The following HNRNPD variants were observed in gnomAD, a reference collection of about 807,000 sequenced individuals.
HNRNPD encodes heterogeneous nuclear ribonucleoprotein D0.
Under a neutral mutation model 47.9 loss-of-function variants are expected in HNRNPD, and 3 were observed. That is an observed-to-expected ratio of 0.06 (90% CI 0.03 to 0.16). The LOEUF (loss-of-function observed/expected upper bound fraction) is 0.16. HNRNPD is among the 10% of genes least tolerant of loss of function. HNRNPD has a pLI of 1.00. For synonymous variants in HNRNPD, 171 were observed against 165.1 expected (o/e 1.04, Z -0.28); for missense variants, 287 against 454.2 (o/e 0.63, Z 3.35).
intron 3 of HNRNPD, among the ~76,000 whole-genome samples, 182 bp downstream of exon 3, chr4:82,359,289 A>C (rs975414169): frequency 6.6e-6 from 1 of 152,196 alleles, no homozygotes. Flanking sequence ...CCTGGAACAC[A>C]AATTATTCAG....
At chr4:82,367,198 T>C (rs546069169) in intron 2 of HNRNPD, among the ~76,000 whole-genome samples, 11 of 152,278 alleles carry the variant, frequency 7.2e-5, no homozygotes, top group African/African-American at 1.9e-4. Context: ...TACCTCCTTT[T>C]CACTTCACTA....
intron 2 of HNRNPD, among the ~76,000 whole-genome samples, chr4:82,365,320 C>T (rs62313374): frequency 0.17 from 25,567 of 152,120 alleles, 2,587 homozygotes; most frequent in Non-Finnish European, 0.23. Context: ...TGACCAATCA[C>T]TGTCATCTTT....
At position 82,358,831 on chromosome 4, in the gene HNRNPD, T is replaced by TG. The variant is rs1723838881; in HGVS notation, c.460-12dup. ...TTTTTGATCCATGACCTAAGGAAAT[T>TG]GAAGTTTTCATTTAAAAAATATATA... On this transcript the variant is annotated splice_polypyrimidine_tract_variant and intron_variant, in intron 3 of 8. Coordinates refer to ENST00000313899, the MANE Select transcript of HNRNPD (RefSeq NM_031370.3). The TG allele has an allele frequency of 6.4e-7, 1 of 1,571,124 alleles. No homozygotes were observed.
intron 1 of HNRNPD, chr4:82,373,120 C>G (rs191565616): frequency 1.4e-4 from 79 of 569,714 alleles, no homozygotes; most frequent in African/African-American, 1.3e-3. Context: ...AAAAGGTACC[C>G]CACGACAGGC....
chr4:82,359,028 A>G (rs1268110478), intron 3 of HNRNPD, among the ~76,000 whole-genome samples: 1 of 152,148 alleles, frequency 6.6e-6, no homozygotes, highest in Non-Finnish European at 1.5e-5. Context: ...GACATACACA[A>G]ATTTAACCAA....
At position 82,373,924 on chromosome 4, in the gene HNRNPD, C is replaced by G. The variant is rs933131820; in HGVS notation, c.-246G>C. ...CGCTGCACTAAAAAAGAATAAGCAC[C>G]AGCGGCGGCCGCTCTCGCCTCCTCC... On this transcript the variant is annotated 5_prime_UTR_variant, in exon 1 of 9. Transcript: ENST00000313899. 37 of 932,828 alleles carry G rather than the reference C, an allele frequency of 4.0e-5. No individual in the cohort carries two copies. The highest frequency in any genetic ancestry group is 3.0e-6 in the Non-Finnish European group (2 of 668,704). 57.8% of individuals were successfully genotyped at this position (932,828 alleles called of 1,614,324 possible).
At chr4:82,367,623 G>A (rs1406951043) in intron 2 of HNRNPD, among the ~76,000 whole-genome samples, 2 of 152,144 alleles carry the variant, frequency 1.3e-5, no homozygotes, top group Non-Finnish European at 2.9e-5. Flanking sequence ...GTGGTAGTCT[G>A]AAGTCTAGAT....
Position 82,373,692 on chromosome 4 carries a change from C to T in HNRNPD, c.-14G>A, listed in dbSNP as rs763908192. On this transcript the variant is annotated 5_prime_UTR_variant, in exon 1 of 9. Transcript: ENST00000313899. ...CTCCTCCGACATAGTGCTAGTGTCT[C>T]CGCCGCTGCCGCCGAGACTACACCC... The T allele has an allele frequency of 1.3e-5, 19 of 1,517,044 alleles. No homozygotes were observed. The South Asian group carries it at 2.2e-4, about 17-fold the overall frequency. The allele number at this position is 1,517,044 out of a possible 1,614,324, so 94.0% of individuals were successfully genotyped here.
chr4:82,360,689 C>G (rs1298588592), intron 2 of HNRNPD, among the ~76,000 whole-genome samples: 1 of 152,084 alleles, frequency 6.6e-6, no homozygotes, highest in Non-Finnish European at 1.5e-5. Flanking sequence ...GGATGTGACA[C>G]TAACTCAGCT....
intron 2 of HNRNPD, among the ~76,000 whole-genome samples, chr4:82,364,405 C>A (rs1239597559): frequency 7.2e-5 from 11 of 152,198 alleles, no homozygotes; most frequent in Admixed American, 3.9e-4. Context: ...ACAGAATAGT[C>A]TGACACACAT....
intron 6 of HNRNPD, 25 bp downstream of exon 6, chr4:82,356,771 A>G: frequency 1.2e-6 from 2 of 1,610,900 alleles, no homozygotes; most frequent in Non-Finnish European, 1.7e-6. Context: ...AGCTTAAGAT[A>G]GAGTAAACTT....
chr4:82,358,665 A>G lies in HNRNPD; in HGVS notation c.615T>C (p.Phe205=). ...EEKIREYFGG[F]GEVESIELPM... ...CAAAACATTTATAACATACCTCACC[A>G]AAACCACCAAAGTACTCCCTTATTT... The change falls in exon 4 of 9, where the codon TTT becomes TTC. Residue 205 remains phenylalanine, a synonymous_variant. Transcript: ENST00000313899. 2 of 1,605,124 alleles carry G rather than the reference A, an allele frequency of 1.2e-6. No individual in the cohort carries two copies. Among genetic ancestry groups the G allele is most frequent in the African/African-American group, 1.3e-5 (1 of 74,306 alleles).
intron 2 of HNRNPD, among the ~76,000 whole-genome samples, chr4:82,362,794 T>C (rs528012291): frequency 9.9e-5 from 15 of 152,192 alleles, no homozygotes; most frequent in Admixed American, 8.5e-4. Flanking sequence ...GAGACGGGGT[T>C]TCCCCTCGTT....
chr4:82,361,324 G>GT (rs1719420953), intron 2 of HNRNPD, among the ~76,000 whole-genome samples: 1 of 152,118 alleles, frequency 6.6e-6, no homozygotes, highest in Non-Finnish European at 1.5e-5. Context: ...CCCTGTAAAG[G>GT]TGAGTACACT....
rs944685375 is a variant in HNRNPD at position 82,355,274 on chromosome 4, T to C, written c.*30+30A>G. On this transcript the variant is annotated intron_variant, in intron 8 of 8. Coordinates refer to ENST00000313899, the MANE Select transcript of HNRNPD (RefSeq NM_031370.3). ...AGATTATAAAAACTACTATTGTAAATGACAAAAAAAAACTATTTTTAGAAC... is the reference window on the plus strand; with the variant it reads ...AGATTATAAAAACTACTATTGTAAACGACAAAAAAAAACTATTTTTAGAAC... 4 of 1,227,632 alleles carry C rather than the reference T, an allele frequency of 3.3e-6. No individual in the cohort carries two copies. In the African/African-American group the frequency reaches 7.1e-5, roughly 22 times the overall value. 76.0% of individuals were successfully genotyped at this position (1,227,632 alleles called of 1,614,324 possible). A position where few individuals can be genotyped will look rare whatever the true frequency, so the allele number is the denominator to read the frequency against.
At chr4:82,363,396 G>C (rs1058358) in intron 2 of HNRNPD, among the ~76,000 whole-genome samples, 27,937 of 152,088 alleles carry the variant, frequency 0.18, 2,844 homozygotes, top group Non-Finnish European at 0.23. Flanking sequence ...TTCTATGACT[G>C]TATCTTGCTT....
intron 7 of HNRNPD, chr4:82,355,706 G>A: frequency 2.8e-6 from 1 of 359,438 alleles, no homozygotes; most frequent in Non-Finnish European, 5.0e-6. Flanking sequence ...ACAACCACCA[G>A]CAAAAAATAT....
At chr4:82,359,080 G>A (rs533502607) in intron 3 of HNRNPD, among the ~76,000 whole-genome samples, 18 of 152,078 alleles carry the variant, frequency 1.2e-4, no homozygotes, top group African/African-American at 3.6e-4. Context: ...AAACATGACT[G>A]CTACTTCCCT....
At chr4:82,365,687 C>T (rs1404573430) in intron 2 of HNRNPD, among the ~76,000 whole-genome samples, 1 of 151,970 alleles carries the variant, frequency 6.6e-6, no homozygotes, top group African/African-American at 2.4e-5. Context: ...TCACTTCAAC[C>T]TCTGCCTCCC....
Sources: gnomAD v4.1 joint callset for allele counts (sites outside exome capture counted in the v4.1 genomes callset) on GRCh38, gnomAD v4.1.1 for gene constraint, MANE v1.5 for transcripts, NCBI Gene and HGNC (gene_info 2026-07-23, HGNC 2026-07-21) for gene names.